Variants in PCSK2 observed in about 807,000 individuals in gnomAD.
PCSK2 encodes neuroendocrine convertase 2.
Under a neutral mutation model 69.7 loss-of-function variants are expected in PCSK2, and 14 were observed. The observed-to-expected ratio is 0.20, with a 90% CI of 0.13 to 0.31. PCSK2 has a LOEUF of 0.31. Ranked by LOEUF, PCSK2 falls within the 10% of genes least tolerant of loss-of-function variation. The pLI is 1.00. For missense variants in PCSK2, 544 were observed against 842.5 expected (o/e 0.65, Z 4.39); for synonymous variants, 307 against 320.7 (o/e 0.96, Z 0.46).
intron 1 of PCSK2, among the ~76,000 whole-genome samples, chr20:17,242,401 T>C (rs537259100): frequency 2.0e-5 from 3 of 152,188 alleles, no homozygotes; most frequent in Admixed American, 1.3e-4. Flanking sequence ...TTGAGCCCTA[T>C]GAAGATGAGG....
intron 2 of PCSK2, among the ~76,000 whole-genome samples, chr20:17,353,138 C>T (rs1294198259): frequency 1.3e-5 from 2 of 152,108 alleles, no homozygotes; most frequent in African/African-American, 4.8e-5. Context: ...AGTGAGATAC[C>T]ATCTCACAAC....
At chr20:17,235,276 G>T (rs1986297311) in intron 1 of PCSK2, among the ~76,000 whole-genome samples, 1 of 152,116 alleles carries the variant, frequency 6.6e-6, no homozygotes, top group South Asian at 2.1e-4. Flanking sequence ...CTGACATAAA[G>T]TAGACTTCAG....
intron 5 of PCSK2, among the ~76,000 whole-genome samples, chr20:17,373,986 T>C (rs1227567263): frequency 1.3e-5 from 2 of 152,166 alleles, no homozygotes; most frequent in African/African-American, 4.8e-5. Flanking sequence ...TCCAAATAAT[T>C]AAAATTTTTC....
At chr20:17,428,761 G>A (rs1329041367) in intron 6 of PCSK2, among the ~76,000 whole-genome samples, 2 of 151,980 alleles carry the variant, frequency 1.3e-5, no homozygotes, top group East Asian at 3.9e-4. Context: ...CAATGTGGGA[G>A]GCTTAGATGG....
chr20:17,391,459 G>T (rs1250605061), intron 5 of PCSK2, among the ~76,000 whole-genome samples: 1 of 152,178 alleles, frequency 6.6e-6, no homozygotes, highest in Admixed American at 6.5e-5. Context: ...ACATTTGCTG[G>T]TTAATAGATG....
intron 2 of PCSK2, among the ~76,000 whole-genome samples, chr20:17,298,700 T>A (rs1033468): frequency 0.13 from 19,438 of 149,010 alleles, 1,906 homozygotes; most frequent in East Asian, 0.54. Flanking sequence ...TTTTAAGTAA[T>A]TTTTTTTTCA....
chr20:17,242,454 T>C (rs1163497667), intron 1 of PCSK2, among the ~76,000 whole-genome samples: 2 of 152,202 alleles, frequency 1.3e-5, no homozygotes, highest in East Asian at 3.8e-4. Flanking sequence ...AGATAACAGG[T>C]TCAAGTTTAT....
chr20:17,245,917 G>T (rs1037827555), intron 1 of PCSK2, among the ~76,000 whole-genome samples: 2 of 152,114 alleles, frequency 1.3e-5, no homozygotes, highest in Admixed American at 1.3e-4. Flanking sequence ...CGCTTAGTTA[G>T]ACAGCCTGCT....
intron 2 of PCSK2, among the ~76,000 whole-genome samples, chr20:17,278,980 T>C (rs1035490894): frequency 6.6e-6 from 1 of 152,156 alleles, no homozygotes; most frequent in Admixed American, 6.5e-5. Context: ...CTTTATTTGG[T>C]TGTCATCCAC....
chr20:17,359,312 AAT>A (rs888527022), intron 3 of PCSK2, among the ~76,000 whole-genome samples: 2 of 152,210 alleles, frequency 1.3e-5, no homozygotes, highest in African/African-American at 2.4e-5. Context: ...CAATATGGGT[AAT>A]TGAATGAGTG....
chr20:17,307,726 C>G (rs1989370691), intron 2 of PCSK2, among the ~76,000 whole-genome samples: 1 of 152,204 alleles, frequency 6.6e-6, no homozygotes, highest in African/African-American at 2.4e-5. Context: ...CTCTATGAAA[C>G]AGATAATTAA....
At chr20:17,251,470 T>C (rs1986976503) in intron 1 of PCSK2, among the ~76,000 whole-genome samples, 1 of 152,232 alleles carries the variant, frequency 6.6e-6, no homozygotes, top group African/African-American at 2.4e-5. Flanking sequence ...AAGTTGGCTA[T>C]GCCTTGAAGA....
chr20:17,425,755 C>A (rs2032234665), intron 6 of PCSK2, among the ~76,000 whole-genome samples: 2 of 152,164 alleles, frequency 1.3e-5, no homozygotes, highest in South Asian at 4.1e-4. Context: ...GATGCAGACT[C>A]CTTTCATCTT....
At chr20:17,360,187 A>C (rs2030341775) in intron 3 of PCSK2, among the ~76,000 whole-genome samples, 1 of 152,242 alleles carries the variant, frequency 6.6e-6, no homozygotes, top group Admixed American at 6.5e-5. Context: ...TATGAAAGTG[A>C]GCATTTAATT....
chr20:17,268,059 A>ATATATATATG (rs1987700259), intron 2 of PCSK2, among the ~76,000 whole-genome samples: 1 of 144,124 alleles, frequency 6.9e-6, no homozygotes, highest in Non-Finnish European at 1.5e-5. Flanking sequence ...ATATATATAT[A>ATATATATATG]TATAATGCAT....
chr20:17,275,990 T>G (rs1988058915), intron 2 of PCSK2, among the ~76,000 whole-genome samples: 1 of 152,184 alleles, frequency 6.6e-6, no homozygotes, highest in Admixed American at 6.6e-5. Context: ...AAGGTTGATG[T>G]GAGCATTAAA....
At chr20:17,373,895 C>G (rs747583136) in intron 5 of PCSK2, among the ~76,000 whole-genome samples, 1 of 152,172 alleles carries the variant, frequency 6.6e-6, no homozygotes, top group Non-Finnish European at 1.5e-5. Context: ...AGGATAATAA[C>G]GGCCACTTGG....
chr20:17,251,522 G>C lies in PCSK2; in HGVS notation c.178-8718G>C, dbSNP rs533013272. On this transcript the variant is annotated intron_variant, in intron 1 of 11. Coordinates refer to ENST00000262545, the MANE Select transcript of PCSK2 (RefSeq NM_002594.5). ...GATCTGAGTCCAGGCCTGTCCCCCT[G>C]TGCCAGGGATGTCCCTTGAGAGCCT... Among the ~76,000 whole-genome samples, 5 of 152,352 alleles carry C rather than the reference G, an allele frequency of 3.3e-5. No individual in the cohort carries two copies. The South Asian group carries it at 1.0e-3, about 32-fold the overall frequency.
At chr20:17,257,412 C>A (rs964700423) in intron 1 of PCSK2, among the ~76,000 whole-genome samples, 3 of 152,174 alleles carry the variant, frequency 2.0e-5, no homozygotes, top group Admixed American at 2.0e-4. Context: ...ACCCAGCAAT[C>A]CCATTACTGG....
Sources: allele counts gnomAD v4.1 joint callset (sites outside exome capture counted in the v4.1 genomes callset), GRCh38; gene constraint gnomAD v4.1.1; transcripts MANE v1.5; gene names NCBI Gene and HGNC (gene_info 2026-07-23, HGNC 2026-07-21).